Variants in PBRM1 observed in about 807,000 individuals in gnomAD.
The protein encoded by PBRM1 is polybromo 1.
In PBRM1, 27 loss-of-function variants were observed where a neutral mutation model predicts 194.5. The ratio of observed to expected loss-of-function variants is 0.14; its 90% CI spans 0.10 to 0.19. The LOEUF is 0.19. Ranked by LOEUF, PBRM1 falls within the 10% of genes least tolerant of loss-of-function variation. The pLI, the probability that PBRM1 is intolerant of heterozygous loss-of-function variation, is 1.00. For synonymous variants in PBRM1, 655 were observed against 693.2 expected (o/e 0.94, Z 0.87); for missense variants, 1,466 against 2,077.2 (o/e 0.71, Z 5.72).
At chr3:52,619,113 C>G (rs573917214) in intron 13 of PBRM1, among the ~76,000 whole-genome samples, 1 of 152,286 alleles carries the variant, frequency 6.6e-6, no homozygotes, top group Non-Finnish European at 1.5e-5. Flanking sequence ...AGGCTGGTCT[C>G]AAACTCCTGA....
At chr3:52,549,966 C>T (rs1234342354) in intron 29 of PBRM1, among the ~76,000 whole-genome samples, 1 of 151,350 alleles carries the variant, frequency 6.6e-6, no homozygotes, top group Non-Finnish European at 1.5e-5. Flanking sequence ...GCCTGTAATC[C>T]CAGCACTTTG....
chr3:52,665,330 A>G (rs2096810603), intron 3 of PBRM1, among the ~76,000 whole-genome samples: 1 of 146,736 alleles, frequency 6.8e-6, no homozygotes, highest in Admixed American at 6.8e-5. Context: ...AATTAAAACA[A>G]TTTTTTTTTT....
chr3:52,555,041 A>G (rs756503412), intron 26 of PBRM1, among the ~76,000 whole-genome samples, 162 bp from the exon 29 acceptor site: 3 of 152,258 alleles, frequency 2.0e-5, no homozygotes, highest in Non-Finnish European at 4.4e-5. Context: ...AATGAACAAA[A>G]TAAAAAGTTA....
intron 4 of PBRM1, among the ~76,000 whole-genome samples, chr3:52,659,614 C>T (rs373180628): frequency 7.2e-5 from 11 of 152,184 alleles, no homozygotes; most frequent in Middle Eastern, 3.4e-3. Flanking sequence ...TAGACATGGG[C>T]GTCTCACTAC....
intron 2 of PBRM1, among the ~76,000 whole-genome samples, chr3:52,670,742 C>T (rs550921118): frequency 8.9e-4 from 136 of 152,306 alleles, no homozygotes; most frequent in Admixed American, 8.8e-3. Flanking sequence ...TGCCTGTAGT[C>T]CCAGCTACTT....
At chr3:52,604,568 T>G (rs1376850177) in intron 16 of PBRM1, among the ~76,000 whole-genome samples, 1 of 151,934 alleles carries the variant, frequency 6.6e-6, no homozygotes, top group Non-Finnish European at 1.5e-5. Flanking sequence ...GGGTACACAC[T>G]TGCAGTCCTA....
chr3:52,580,460 GC>G (rs1241996840), intron 20 of PBRM1, among the ~76,000 whole-genome samples: 1 of 151,994 alleles, frequency 6.6e-6, no homozygotes, highest in Non-Finnish European at 1.5e-5. Context: ...CCGGGTTCAC[GC>G]CATTCTCCTG....
At chr3:52,654,751 G>A (rs994762926) in intron 5 of PBRM1, among the ~76,000 whole-genome samples, 1 of 152,080 alleles carries the variant, frequency 6.6e-6, no homozygotes, top group Non-Finnish European at 1.5e-5. Context: ...CTTCTATTTT[G>A]TGTGTATGTG....
rs1253470737 is a variant in PBRM1 at position 52,644,812 on chromosome 3, T to C, written c.814-23A>G. The C allele has an allele frequency of 4.2e-6, 5 of 1,179,254 alleles. No homozygotes were observed. The African/African-American group carries it at 7.6e-5, about 18-fold the overall frequency. The allele number at this position is 1,179,254 out of a possible 1,614,324, so 73.0% of individuals were successfully genotyped here. Reference sequence around the variant, plus strand: ...ATCCTGTCAAGATAAAATTACTTGGTTTAAAAAAGGAACAGATAAAAGGAC... The same window carrying C: ...ATCCTGTCAAGATAAAATTACTTGGCTTAAAAAAGGAACAGATAAAAGGAC... On this transcript the variant is annotated intron_variant, in intron 7 of 29. Transcript: ENST00000296302.
In PBRM1 at chr3:52,628,933, G is replaced by A. The variant is rs200232487; in HGVS notation, c.1404C>T (p.Ala468=). The change falls in exon 12 of 30, where the codon GCC becomes GCT. Residue 468 remains alanine, a synonymous_variant. Coordinates refer to ENST00000296302, the Ensembl canonical transcript of PBRM1. ...GCAATTTTAGAACTCGCTTGTAGAT[G>A]GCTGAATTGGGCACATTATAGCGTT... 53 of 1,613,646 alleles carry A rather than the reference G, an allele frequency of 3.3e-5. No individual in the cohort carries two copies. The Admixed American group carries it at 5.5e-4, about 17-fold the overall frequency.
At chr3:52,679,468 C>A in intron 1 of PBRM1, 106 bp downstream of exon 2, 1 of 980,568 alleles carries the variant, frequency 1.0e-6, no homozygotes, top group African/African-American at 1.6e-5. Flanking sequence ...TCAAGAGAAT[C>A]TTAAAAAAGT....
At chr3:52,607,152 T>G (rs1457720944) in intron 16 of PBRM1, among the ~76,000 whole-genome samples, 1 of 152,238 alleles carries the variant, frequency 6.6e-6, no homozygotes, top group Admixed American at 6.5e-5. Context: ...AGGCATAGTT[T>G]ATCATTCACT....
upstream of PBRM1, chr3:52,685,894 C>G (rs911612416): frequency 3.2e-6 from 2 of 630,072 alleles, no homozygotes; most frequent in African/African-American, 1.9e-5. Context: ...CCTTACCCCT[C>G]CCGGTGCCGC....
chr3:52,597,257 T>C (rs1209180458), intron 17 of PBRM1, among the ~76,000 whole-genome samples: 1 of 152,230 alleles, frequency 6.6e-6, no homozygotes, highest in Non-Finnish European at 1.5e-5. Flanking sequence ...CTGTGATTGT[T>C]TACCTGATTT....
At chr3:52,574,985 C>T (rs1003251620) in intron 22 of PBRM1, among the ~76,000 whole-genome samples, 3 of 152,098 alleles carry the variant, frequency 2.0e-5, no homozygotes, top group South Asian at 2.1e-4. Context: ...ACTGCAGCCT[C>T]GACCTCCCTG....
chr3:52,631,513 T>C (rs2095618462), intron 11 of PBRM1, among the ~76,000 whole-genome samples: 1 of 152,130 alleles, frequency 6.6e-6, no homozygotes, highest in Non-Finnish European at 1.5e-5. Flanking sequence ...CTATAAAGCA[T>C]CATATTTTAT....
chr3:52,608,795 C>G (rs1339278762), intron 16 of PBRM1, among the ~76,000 whole-genome samples: 1 of 151,514 alleles, frequency 6.6e-6, no homozygotes, highest in East Asian at 1.9e-4. Context: ...AATTTGATTG[C>G]TTCTTTTAGA....
chr3:52,618,451 T>C (rs1345481075), intron 13 of PBRM1, among the ~76,000 whole-genome samples: 4 of 152,296 alleles, frequency 2.6e-5, no homozygotes, highest in African/African-American at 4.8e-5. Context: ...TCTTCCGATA[T>C]GGCTTCCGGT....
chr3:52,545,554 G>C (rs888055257), downstream of PBRM1: 4 of 232,934 alleles, frequency 1.7e-5, no homozygotes, highest in East Asian at 2.4e-4. Context: ...CCAATTTGGG[G>C]ATTTTACAGA....
Sources: allele counts gnomAD v4.1 joint callset (sites outside exome capture counted in the v4.1 genomes callset), GRCh38; gene constraint gnomAD v4.1.1; transcripts MANE v1.5; gene names NCBI Gene and HGNC (gene_info 2026-07-23, HGNC 2026-07-21).